Variants in KIF26B observed in about 807,000 individuals in gnomAD.
KIF26B encodes the protein kinesin family member 26B.
Under a neutral mutation model 151.2 loss-of-function variants are expected in KIF26B, and 63 were observed. The ratio of observed to expected loss-of-function variants is 0.42; its 90% CI spans 0.34 to 0.51. The LOEUF is 0.51. KIF26B is among the 20% of genes least tolerant of loss of function. KIF26B has a pLI of 0.07. For missense variants in KIF26B, 2,813 were observed against 2,913.6 expected (o/e 0.97, Z 0.79); for synonymous variants, 1,357 against 1,262.1 (o/e 1.08, Z -1.59).
intron 4 of KIF26B, among the ~76,000 whole-genome samples, chr1:245,445,736 A>G (rs543060346): frequency 5.9e-5 from 9 of 152,352 alleles, no homozygotes; most frequent in East Asian, 3.9e-4. Flanking sequence ...CCAGGTGTCC[A>G]TAAGCCCCTG....
chr1:245,583,014 C>G (rs2043191005), intron 5 of KIF26B, among the ~76,000 whole-genome samples: 1 of 152,154 alleles, frequency 6.6e-6, no homozygotes, highest in Admixed American at 6.6e-5. Context: ...GCAACCCAGC[C>G]AGCGTAACCA....
chr1:245,169,328 G>GGTGTGTGTGTGTGTGT (rs58501579), intron 2 of KIF26B, among the ~76,000 whole-genome samples: 198 of 134,172 alleles, frequency 1.5e-3, no homozygotes, highest in African/African-American at 2.9e-3. Context: ...AACGGGCCAT[G>GGTGTGTGTGTGTGTGT]GTGTGTGTGT....
rs1222706696 is a variant in KIF26B, at chr1:245,685,570, G to A, written c.2587G>A (p.Asp863Asn). The change falls in exon 12 of 15, where the codon GAC (aspartate) becomes AAC (asparagine). Residue 863 changes from aspartate (D) to asparagine (N), a missense_variant. By Grantham distance (23) the Asp-to-Asn change is conservative. Transcript: ENST00000407071. ...DYSSSSEQSC[D>N]TVIYIGPNGT... Reference sequence around the variant, plus strand: ...CTCCTCCAGCAGCGAGCAGTCCTGCGACACCGTCATCTACATCGGGCCCAA... The same window carrying A: ...CTCCTCCAGCAGCGAGCAGTCCTGCAACACCGTCATCTACATCGGGCCCAA... 3 of 1,613,736 alleles carry A rather than the reference G, an allele frequency of 1.9e-6. No individual in the cohort carries two copies. Among genetic ancestry groups the A allele is most frequent in the African/African-American group, 1.3e-5 (1 of 74,994 alleles).
chr1:245,361,151 C>T (rs1672809285), intron 2 of KIF26B, among the ~76,000 whole-genome samples: 1 of 152,198 alleles, frequency 6.6e-6, no homozygotes, highest in Non-Finnish European at 1.5e-5. Context: ...TTCTGCAATA[C>T]CTTTTTCACA....
In KIF26B at chr1:245,686,745, A is replaced by G. The variant is rs754563043; in HGVS notation, c.3762A>G (p.Thr1254=). The stretch of plus-strand genomic sequence containing the variant: ...CCCCCGTCTCCGAGGTCAGCATCAC[A>G]CAGTTCTTGCCCCTCCCGAAGATGA... ...STAPVSEVSI[T]QFLPLPKMSL... The change falls in exon 12 of 15, where the codon ACA becomes ACG. Residue 1254 remains threonine, a synonymous_variant. Transcript: ENST00000407071. This position sits in a 1 kb window ranked among gnomAD's most constrained non-coding sequence, Gnocchi z 5.6. The G allele has an allele frequency of 9.9e-6, 16 of 1,613,318 alleles. No individual in the cohort carries two copies. The highest frequency in any genetic ancestry group is 1.3e-5 in the Non-Finnish European group (15 of 1,179,766).
chr1:245,698,215 C>T lies in KIF26B; in HGVS notation c.5934C>T (p.Ser1978=). ...GCTGGGTGGATGGCCCCTTGCGGAGCAGCCCGAGGGGCCTTGGGGAACCCT... is the reference window on the plus strand; with the variant it reads ...GCTGGGTGGATGGCCCCTTGCGGAGTAGCCCGAGGGGCCTTGGGGAACCCT... The part of the protein sequence containing the change: ...GVRWVDGPLR[S]SPRGLGEPFE... Residue 1978 remains serine, a synonymous_variant, in exon 13 of 15, where the codon AGC becomes AGT. Transcript: ENST00000407071. The surrounding 1 kb of genome is among the most constrained non-coding windows in gnomAD (Gnocchi z 4.0). 1.9e-6 allele frequency: 3 copies of T among 1,614,024 alleles called. No individual in the cohort carries two copies. Among genetic ancestry groups the T allele is most frequent in the Non-Finnish European group, 2.5e-6 (3 of 1,179,890 alleles).
At position 245,244,791 on chromosome 1, in the gene KIF26B, C is replaced by CACACACAT. The variant is rs1363032461; in HGVS notation, c.465+88109_465+88110insCACACATA. ...ACACACACACACACACACACACACA[C>CACACACAT]AGAACTGCTTTGGACTTGGATACTT... On this transcript the variant is annotated intron_variant, in intron 2 of 14. Transcript: ENST00000407071. The surrounding 1 kb of genome is among the most constrained non-coding windows in gnomAD (Gnocchi z 4.2). 6.6e-6 allele frequency among the ~76,000 whole-genome samples: 1 copy of CACACACAT among 150,756 alleles called. No individual in the cohort carries two copies. Among genetic ancestry groups the CACACACAT allele is most frequent in the African/African-American group, 2.5e-5 (1 of 40,574 alleles).
At chr1:245,175,676 CAT>C (rs1668790543) in intron 2 of KIF26B, among the ~76,000 whole-genome samples, 1 of 152,060 alleles carries the variant, frequency 6.6e-6, no homozygotes, top group Non-Finnish European at 1.5e-5. Context: ...TAAGTCCACA[CAT>C]GATTAAAAAT....
chr1:245,406,878 C>T (rs1674147012), intron 3 of KIF26B, among the ~76,000 whole-genome samples: 1 of 152,048 alleles, frequency 6.6e-6, no homozygotes, highest in Non-Finnish European at 1.5e-5. Flanking sequence ...GCTTCTGCCT[C>T]CCGGGTTCAA....
intron 10 of KIF26B, among the ~76,000 whole-genome samples, chr1:245,672,772 C>G (rs75812947): frequency 0.087 from 13,227 of 152,124 alleles, 1,021 homozygotes; most frequent in East Asian, 0.39. Flanking sequence ...TTACCTAGTC[C>G]TATTTAACCT....
In KIF26B at chr1:245,602,838, A is replaced by C. The variant is rs543386230; in HGVS notation, c.1557+55A>C. 1,138 of 1,529,108 alleles carry C rather than the reference A, an allele frequency of 7.4e-4. 15 individuals are homozygous for C. In the South Asian group the frequency reaches 0.012, roughly 16 times the overall value. The allele number at this position is 1,529,108 out of a possible 1,614,324, so 94.7% of individuals were successfully genotyped here. The stretch of plus-strand genomic sequence containing the variant: ...CAACGTTGATGAAAGGGCAACGTTT[A>C]CTCATTCACAAGGGCCCTTGAGCTG... On this transcript the variant is annotated intron_variant, in intron 6 of 14. Coordinates refer to ENST00000407071, the MANE Select transcript of KIF26B (RefSeq NM_018012.4). The surrounding 1 kb of genome is among the most constrained non-coding windows in gnomAD (Gnocchi z 4.5).
chr1:245,556,365 C>A (rs1369036514), intron 5 of KIF26B, among the ~76,000 whole-genome samples: 1 of 125,098 alleles, frequency 8.0e-6, no homozygotes, highest in Non-Finnish European at 1.6e-5. Context: ...CCTCCTCCTT[C>A]TTCTTCTTCC....
chr1:245,538,531 G>A (rs1382379552), intron 4 of KIF26B, among the ~76,000 whole-genome samples: 1 of 151,928 alleles, frequency 6.6e-6, no homozygotes, highest in Non-Finnish European at 1.5e-5. Context: ...GGGATGTGTG[G>A]GGTGGGCCTG....
chr1:245,612,636 C>G (rs2043540100), intron 9 of KIF26B, among the ~76,000 whole-genome samples: 1 of 152,134 alleles, frequency 6.6e-6, no homozygotes, highest in African/African-American at 2.4e-5. Flanking sequence ...AAATGCTCCT[C>G]AAGAAAGACC....
At chr1:245,412,006 C>T (rs566189153) in intron 3 of KIF26B, among the ~76,000 whole-genome samples, 2 of 152,266 alleles carry the variant, frequency 1.3e-5, no homozygotes, top group African/African-American at 2.4e-5. Context: ...TTTTCCTTTG[C>T]AGATTGACTT....
chr1:245,547,643 C>T (rs1661777766), intron 5 of KIF26B, among the ~76,000 whole-genome samples: 1 of 150,526 alleles, frequency 6.6e-6, no homozygotes, highest in Non-Finnish European at 1.5e-5. Flanking sequence ...AATATGATCA[C>T]CTTTAATTCT....
intron 4 of KIF26B, among the ~76,000 whole-genome samples, chr1:245,457,516 T>C (rs1341912625): frequency 6.6e-6 from 1 of 152,232 alleles, no homozygotes; most frequent in Admixed American, 6.5e-5. Flanking sequence ...CGGCACTTTT[T>C]TCCTGCTGTT....
chr1:245,393,450 C>T (rs749585736), intron 3 of KIF26B, among the ~76,000 whole-genome samples: 55 of 152,040 alleles, frequency 3.6e-4, no homozygotes, highest in Non-Finnish European at 3.7e-4. Context: ...TTTCTCCTTC[C>T]GCAAAGATGG....
chr1:245,155,504 C>T lies in KIF26B; in HGVS notation c.63+17C>T. The T allele has an allele frequency of 1.2e-6, 2 of 1,601,606 alleles. No homozygotes were observed. The highest frequency in any genetic ancestry group is 1.1e-5 in the South Asian group (1 of 89,822). On this transcript the variant is annotated intron_variant, in intron 1 of 14. Coordinates refer to ENST00000407071, the MANE Select transcript of KIF26B (RefSeq NM_018012.4). ...AAATACGGGGTAAGTTGTGACGGTACGACGCGGAGACGCGTTACCAGACCC... is the reference window on the plus strand; with the variant it reads ...AAATACGGGGTAAGTTGTGACGGTATGACGCGGAGACGCGTTACCAGACCC...
Sources: gnomAD v4.1 joint callset for allele counts (sites outside exome capture counted in the v4.1 genomes callset) on GRCh38, gnomAD v4.1.1 for gene constraint, Gnocchi (gnomAD v3.1) non-coding constraint, MANE v1.5 for transcripts, NCBI Gene and HGNC (gene_info 2026-07-23, HGNC 2026-07-21) for gene names.